Variants in ADGRD1 observed in about 807,000 individuals in gnomAD.
ADGRD1 encodes G-protein coupled receptor 133.
Under a neutral mutation model 113.4 loss-of-function variants are expected in ADGRD1, and 77 were observed. The ratio of observed to expected loss-of-function variants is 0.68; its 90% CI spans 0.57 to 0.82. ADGRD1 has a LOEUF of 0.82. ADGRD1 is among the 40% of genes least tolerant of loss of function. The pLI is 0.00. For synonymous variants in ADGRD1, 474 were observed against 475.0 expected, an observed-to-expected ratio of 1.00 and a Z score of 0.03; for missense variants, 1,036 against 1,139.1, an observed-to-expected ratio of 0.91 and a Z score of 1.30.
intron 21 of ADGRD1, among the ~76,000 whole-genome samples, chr12:131,135,416 AG>A (rs1367016036): frequency 6.6e-6 from 1 of 152,182 alleles, no homozygotes; most frequent in Non-Finnish European, 1.5e-5. Flanking sequence ...TTCACAGTGC[AG>A]TTCAGCAAGC....
At chr12:131,083,930 G>A (rs1391292491) in intron 14 of ADGRD1, among the ~76,000 whole-genome samples, 1 of 152,222 alleles carries the variant, frequency 6.6e-6, no homozygotes, top group African/African-American at 2.4e-5. Flanking sequence ...GGTCATAGCT[G>A]TGTTCGTGGG....
Position 131,136,071 on chromosome 12 carries a change from A to G in ADGRD1, c.2302A>G (p.Ile768Val), listed in dbSNP as rs762467371. 6.2e-7 allele frequency: 1 copy of G among 1,614,002 alleles called. No homozygotes were observed. Among genetic ancestry groups the G allele is most frequent in the East Asian group, 2.2e-5 (1 of 44,876 alleles). ...TAKAVAVLLPILGTSWVFGVL... is the reference protein window; with the variant it reads ...TAKAVAVLLPVLGTSWVFGVL... ...CAAGGCAGTGGCCGTGCTGCTGCCC[A>G]TCCTGGGTACCTCGTGGGTCTTTGG... is the stretch of plus-strand genomic sequence containing the variant. The change falls in exon 22 of 25, where the codon ATC becomes GTC. Residue 768 changes from isoleucine to valine, a missense_variant. Coordinates refer to ENST00000261654, the MANE Select transcript of ADGRD1 (RefSeq NM_198827.5).
At chr12:131,137,045 G>C in intron 23 of ADGRD1, 31 bp downstream of exon 23, 1 of 1,581,468 alleles carries the variant, frequency 6.3e-7, no homozygotes, top group Non-Finnish European at 8.7e-7. Flanking sequence ...GGCAGGTGCA[G>C]GTGCAGCTGG....
chr12:131,129,874 G>A (rs1459947155), intron 20 of ADGRD1, among the ~76,000 whole-genome samples: 2 of 152,242 alleles, frequency 1.3e-5, no homozygotes, highest in African/African-American at 2.4e-5. Context: ...GCCACCACTG[G>A]AGGCACGAAA....
At chr12:130,958,302 T>C (rs777483061) in intron 2 of ADGRD1, among the ~76,000 whole-genome samples, 3 of 151,582 alleles carry the variant, frequency 2.0e-5, no homozygotes, top group African/African-American at 4.9e-5. Context: ...TGGGTTCTAG[T>C]GACTCTCCTG....
At chr12:131,125,809 C>T (rs1566133219) in intron 20 of ADGRD1, among the ~76,000 whole-genome samples, 4 of 152,326 alleles carry the variant, frequency 2.6e-5, no homozygotes, top group East Asian at 3.8e-4. Context: ...CTCAAACATT[C>T]TCAGAACTCT....
At position 131,057,939 on chromosome 12, in the gene ADGRD1, G is replaced by T. The variant is rs1884016310; in HGVS notation, c.1474-18862G>T. 6.6e-6 allele frequency among the ~76,000 whole-genome samples: 1 copy of T among 152,068 alleles called. No individual in the cohort carries two copies. Among genetic ancestry groups the T allele is most frequent in the African/African-American group, 2.4e-5 (1 of 41,390 alleles). ...TTCGTGCTCATCTCGCTTCTTTCTT[G>T]TTCATGTTTTTCCTTGTCTATGCAC... is the stretch of plus-strand genomic sequence containing the variant. On this transcript the variant is annotated intron_variant, in intron 13 of 24. Transcript: ENST00000261654. The surrounding 1 kb of genome is among the most constrained non-coding windows in gnomAD (Gnocchi z 4.2).
At chr12:130,963,006 C>T (rs967879406) in intron 2 of ADGRD1, 5 of 152,166 alleles carry the variant, frequency 3.3e-5, no homozygotes, top group Non-Finnish European at 5.9e-5. Flanking sequence ...TAAAATATTT[C>T]TAAAGGAATA....
intron 13 of ADGRD1, among the ~76,000 whole-genome samples, chr12:131,031,103 G>A (rs1004987649): frequency 1.3e-5 from 2 of 152,178 alleles, no homozygotes; most frequent in African/African-American, 2.4e-5. Flanking sequence ...ACTGGGCCCC[G>A]GGGAGCCAGG....
chr12:131,098,360 A>G (rs909539765), intron 15 of ADGRD1, among the ~76,000 whole-genome samples: 3 of 152,012 alleles, frequency 2.0e-5, no homozygotes, highest in Non-Finnish European at 4.4e-5. Flanking sequence ...CTCAGAAGCC[A>G]TGGTGGGGGA....
intron 2 of ADGRD1, among the ~76,000 whole-genome samples, chr12:130,963,245 G>A (rs1038679012): frequency 3.6e-4 from 52 of 146,096 alleles, no homozygotes; most frequent in Admixed American, 8.5e-4. Context: ...GCGTGAACCC[G>A]GGAGGCGGAG....
rs1219095066 is a variant in ADGRD1 at position 131,075,087 on chromosome 12, C to T, written c.1474-1714C>T. Among the ~76,000 whole-genome samples the T allele has an allele frequency of 1.3e-5, 2 of 152,156 alleles. No homozygotes were observed. The highest frequency in any genetic ancestry group is 1.9e-4 in the East Asian group (1 of 5,184). On this transcript the variant is annotated intron_variant, in intron 13 of 24. Transcript: ENST00000261654. The surrounding 1 kb of genome is among the most constrained non-coding windows in gnomAD (Gnocchi z 5.3). Reference sequence around the variant, plus strand: ...GCCTCACTCCTGAGAAGCCTTGCCACGTGTTGATGTGTATGGGTCTGGCTG... The same window carrying T: ...GCCTCACTCCTGAGAAGCCTTGCCATGTGTTGATGTGTATGGGTCTGGCTG...
chr12:131,121,574 T>A (rs1398343254), intron 20 of ADGRD1, among the ~76,000 whole-genome samples: 1 of 152,170 alleles, frequency 6.6e-6, no homozygotes, highest in Non-Finnish European at 1.5e-5. Context: ...GAGACGGGGT[T>A]TCACCGTGTT....
chr12:131,125,994 C>T (rs1417797141), intron 20 of ADGRD1, among the ~76,000 whole-genome samples: 1 of 152,208 alleles, frequency 6.6e-6, no homozygotes, highest in Non-Finnish European at 1.5e-5. Context: ...AAAATTATTA[C>T]TCGAACCTTC....
chr12:131,076,429 C>T (rs891402636), intron 13 of ADGRD1, among the ~76,000 whole-genome samples: 11 of 152,236 alleles, frequency 7.2e-5, no homozygotes, highest in African/African-American at 2.6e-4. Flanking sequence ...TGAGGAGCTC[C>T]TCCTGCAGAG....
chr12:131,079,151 G>A (rs967382310), intron 14 of ADGRD1, among the ~76,000 whole-genome samples: 1 of 152,162 alleles, frequency 6.6e-6, no homozygotes, highest in Non-Finnish European at 1.5e-5. Flanking sequence ...ATAGTGTGTT[G>A]AGCGTCACCA....
rs1364426886 is a variant in ADGRD1 at position 131,022,922 on chromosome 12, G to GT, written c.1473+8583dup. On this transcript the variant is annotated intron_variant, in intron 13 of 24. Transcript: ENST00000261654. The surrounding 1 kb of genome is among the most constrained non-coding windows in gnomAD (Gnocchi z 4.6). ...TGCATTTTTCTGTGTGTCTGTATGT[G>GT]TGTCTGTGTTGCAAACTAGGATTGC... is the stretch of plus-strand genomic sequence containing the variant. 1.3e-5 allele frequency: 2 copies of GT among 152,122 alleles called. No homozygotes were observed. The highest frequency in any genetic ancestry group is 2.9e-5 in the Non-Finnish European group (2 of 68,044). 9.4% of individuals were successfully genotyped at this position (152,122 alleles called of 1,614,324 possible). A position where few individuals can be genotyped will look rare whatever the true frequency, so the allele number is the denominator to read the frequency against.
At chr12:131,032,007 C>A (rs1880818067) in intron 13 of ADGRD1, among the ~76,000 whole-genome samples, 1 of 152,218 alleles carries the variant, frequency 6.6e-6, no homozygotes, top group African/African-American at 2.4e-5. Context: ...GCAGCCTCCA[C>A]CCTTGGCTCT....
At chr12:131,017,548 ACACT>A (rs1461918251) in intron 13 of ADGRD1, among the ~76,000 whole-genome samples, 24 of 149,720 alleles carry the variant, frequency 1.6e-4, no homozygotes, top group East Asian at 2.0e-4. Context: ...CAGTGCACAC[ACACT>A]CACTCCACAC....
Sources: allele counts gnomAD v4.1 joint callset (sites outside exome capture counted in the v4.1 genomes callset), GRCh38; gene constraint gnomAD v4.1.1; non-coding constraint Gnocchi (gnomAD v3.1); transcripts MANE v1.5; gene names NCBI Gene and HGNC (gene_info 2026-07-23, HGNC 2026-07-21).